MEFV: variants seen among roughly 807,000 people sequenced by gnomAD.
The protein encoded by MEFV is pyrin.
A neutral mutation model predicts 62.5 loss-of-function variants in MEFV; 60 were observed. That is an observed-to-expected ratio of 0.96 (90% CI 0.78 to 1.19). MEFV has a LOEUF of 1.19. Ranked by LOEUF, MEFV falls within the 50% of genes most tolerant of loss-of-function variation. MEFV has a pLI of 0.00. For missense variants in MEFV, 1,169 were observed against 1,004.5 expected (o/e 1.16, Z -2.21); for synonymous variants, 500 against 415.2 (o/e 1.20, Z -2.48).
At chr16:3,248,186 G>A (rs1343172804) in intron 4 of MEFV, among the ~76,000 whole-genome samples, 1 of 151,932 alleles carries the variant, frequency 6.6e-6, no homozygotes, top group Non-Finnish European at 1.5e-5. Flanking sequence ...TTGAACCTCG[G>A]AGGTGGAGGT....
intron 2 of MEFV, chr16:3,251,968 G>A (rs1438597385): frequency 2.3e-6 from 1 of 429,870 alleles, no homozygotes; most frequent in Non-Finnish European, 4.7e-6. Context: ...TGTAATCCCA[G>A]CAGTTTCGGA....
At chr16:3,244,670 T>C (rs1958912636) in intron 6 of MEFV, 82 bp from the exon 7 acceptor site, 5 of 1,031,102 alleles carry the variant, frequency 4.8e-6, no homozygotes, top group Non-Finnish European at 7.6e-6. Flanking sequence ...TGAACTACAT[T>C]CTCCACAGGG....
In MEFV at chr16:3,256,593, T is replaced by C; in HGVS notation, c.-6A>G. The C allele has an allele frequency of 1.2e-6, 2 of 1,614,156 alleles. No homozygotes were observed. The highest frequency in any genetic ancestry group is 1.7e-6 in the Non-Finnish European group (2 of 1,180,042). On this transcript the variant is annotated 5_prime_UTR_variant, in exon 1 of 10. Transcript: ENST00000219596. The stretch of plus-strand genomic sequence containing the variant: ...TCACTAGGGGTCTTAGCCATGGTGC[T>C]GAGCAGGAGAGGCTCGAGCCAGCTG...
intron 4 of MEFV, chr16:3,247,480 C>T (rs1302569109): frequency 1.8e-6 from 1 of 568,870 alleles, no homozygotes; most frequent in Non-Finnish European, 3.1e-6. Context: ...TAAGGTTTAA[C>T]TGTGTCCCTT....
At chr16:3,247,936 A>C (rs113153100) in intron 4 of MEFV, 1 of 27,402 alleles carries the variant, frequency 3.6e-5, no homozygotes, top group Non-Finnish European at 6.7e-5. Flanking sequence ...TTCCATCTCA[A>C]AAAAAAAAAA....
At chr16:3,253,630 C>T (rs1459047211) in intron 2 of MEFV, among the ~76,000 whole-genome samples, 4 of 152,202 alleles carry the variant, frequency 2.6e-5, no homozygotes, top group Non-Finnish European at 4.4e-5. Flanking sequence ...CCTCCTGCCT[C>T]AGCTTCCTGA....
chr16:3,248,562 C>T, intron 4 of MEFV: 1 of 380,168 alleles, frequency 2.6e-6, no homozygotes, highest in Non-Finnish European at 4.8e-6. Context: ...TGCACTACAA[C>T]CTGGGTGACA....
chr16:3,250,955 C>T (rs1304136397), intron 2 of MEFV, among the ~76,000 whole-genome samples: 15 of 132,346 alleles, frequency 1.1e-4, no homozygotes, highest in African/African-American at 2.9e-4. Flanking sequence ...ACCCGGGAGG[C>T]GGAGTTTGCA....
At chr16:3,253,718 G>T (rs138408308) in intron 2 of MEFV, among the ~76,000 whole-genome samples, 4 of 151,976 alleles carry the variant, frequency 2.6e-5, no homozygotes, top group Non-Finnish European at 2.9e-5. Context: ...GTCTGGCTAC[G>T]TTGCTCAGGC....
intron 2 of MEFV, among the ~76,000 whole-genome samples, chr16:3,253,256 T>C (rs1360727787): frequency 6.6e-6 from 1 of 152,028 alleles, no homozygotes; most frequent in Non-Finnish European, 1.5e-5. Flanking sequence ...TAAAGGTCCC[T>C]CCCCTAAAAG....
chr16:3,255,873 G>A (rs1160342884), intron 1 of MEFV, among the ~76,000 whole-genome samples: 3 of 152,002 alleles, frequency 2.0e-5, no homozygotes, highest in Non-Finnish European at 2.9e-5. Context: ...AGGCTGAGGC[G>A]GGAGGATCAC....
chr16:3,253,174 G>C (rs1959062187), intron 2 of MEFV, among the ~76,000 whole-genome samples: 1 of 152,014 alleles, frequency 6.6e-6, no homozygotes, highest in Non-Finnish European at 1.5e-5. Flanking sequence ...GTTAAGATCA[G>C]AGCAAAACCA....
In MEFV at chr16:3,254,290, G is replaced by A. The variant is rs1229981464; in HGVS notation, c.778C>T (p.Leu260Phe). 1 of 1,614,254 alleles carries A rather than the reference G, an allele frequency of 6.2e-7. No individual in the cohort carries two copies. Among genetic ancestry groups the A allele is most frequent in the Non-Finnish European group, 8.5e-7 (1 of 1,180,046 alleles). Residue 260 changes from leucine (L) to phenylalanine (F), a missense_variant, in exon 2 of 10, where the codon CTC (leucine) becomes TTC (phenylalanine). Leu to Phe is a conservative substitution (Grantham distance 22, BLOSUM62 0). Transcript: ENST00000219596. ...GEKAPANPEI[L>F]LTLEEKTAAN... ...GCTGTCTTTTCCTCTAGAGTCAGGA[G>A]AATTTCTGGATTTGCGGGCGCCTTC...
chr16:3,249,797 G>GA lies in MEFV; in HGVS notation c.911-18dup, dbSNP rs750921829. Reference sequence around the variant, plus strand: ...GTGGCCTTCCTGGGGACATGCAGTGGAAAAACCCCCTGAATGGCAAACCCA... The same window carrying GA: ...GTGGCCTTCCTGGGGACATGCAGTGGAAAAAACCCCCTGAATGGCAAACCCA... On this transcript the variant is annotated splice_polypyrimidine_tract_variant and intron_variant, in intron 2 of 9. Transcript: ENST00000219596. 44 of 1,607,922 alleles carry GA rather than the reference G, an allele frequency of 2.7e-5. 1 individual carries two copies. Among genetic ancestry groups the GA allele is most frequent in the South Asian group, 1.3e-4 (12 of 90,514 alleles).
chr16:3,243,884 G>A lies in MEFV; in HGVS notation c.1768C>T (p.Leu590=). The change falls in exon 9 of 10, where the codon CTG becomes TTG. Residue 590 remains leucine (L), a synonymous_variant. Transcript: ENST00000219596. ...SEMEMFNVPE[L]IGAQAHAVNV... ...CCAGCATGTGCCTGAGCGCCAATCA[G>A]CTCCGGAACTACGGAGAAAAATCAG... 1 of 1,613,984 alleles carries A rather than the reference G, an allele frequency of 6.2e-7. No homozygotes were observed. The highest frequency in any genetic ancestry group is 8.5e-7 in the Non-Finnish European group (1 of 1,180,028).
intron 6 of MEFV, among the ~76,000 whole-genome samples, chr16:3,245,798 C>G (rs958756630): frequency 5.9e-5 from 9 of 152,060 alleles, no homozygotes; most frequent in Non-Finnish European, 1.5e-5. Context: ...ACAGGATAAC[C>G]ACATGGTCCC....
At chr16:3,252,767 G>GT (rs1298423523) in intron 2 of MEFV, among the ~76,000 whole-genome samples, 1 of 135,788 alleles carries the variant, frequency 7.4e-6, no homozygotes, top group Admixed American at 8.0e-5. Flanking sequence ...GACAGTCCTC[G>GT]TAACTACAAA....
rs1383626535 is a variant in MEFV at position 3,256,479 on chromosome 16, G to A, written c.109C>T (p.His37Tyr). 6.2e-7 allele frequency: 1 copy of A among 1,614,092 alleles called. No individual in the cohort carries two copies. Among genetic ancestry groups the A allele is most frequent in the African/African-American group, 1.3e-5 (1 of 74,936 alleles). Residue 37 changes from histidine (H) to tyrosine (Y), a missense_variant, in exon 1 of 10, where the codon CAC becomes TAC. Physicochemically the swap from His to Tyr is moderately conservative, Grantham distance 83. Transcript: ENST00000219596. ...KLQNTSVQKE[H>Y]SRIPRSQIQR... The stretch of plus-strand genomic sequence containing the variant: ...ATCTGGCTCCGGGGGATCCTGGAGT[G>A]CTCCTTCTGCACACTGGTGTTCTGC...
Position 3,243,349 on chromosome 16 carries a change from T to A in MEFV, c.2138A>T (p.Glu713Val). ...SVPPTRLLIK[E>V]PPKRVGIFVD... ...GAAGATGCCCACACGCTTGGGAGGC[T>A]CCTTTATTAGCAGGCGGGTCGGGGG... The change falls in exon 10 of 10, where the codon GAG becomes GTG. Residue 713 changes from glutamate to valine, a missense_variant. Physicochemically the swap from Glu to Val is moderately radical, Grantham distance 121. Coordinates refer to ENST00000219596, the MANE Select transcript of MEFV (RefSeq NM_000243.3). 6.2e-7 allele frequency: 1 copy of A among 1,614,146 alleles called. No individual in the cohort carries two copies. Among genetic ancestry groups the A allele is most frequent in the Admixed American group, 1.7e-5 (1 of 60,018 alleles).
Sources: gnomAD v4.1 joint callset for allele counts (sites outside exome capture counted in the v4.1 genomes callset) on GRCh38, gnomAD v4.1.1 for gene constraint, MANE v1.5 for transcripts, NCBI Gene and HGNC (gene_info 2026-07-23, HGNC 2026-07-21) for gene names.